Variants in YES1 observed in about 807,000 individuals in gnomAD.
YES1 encodes YES proto-oncogene 1, Src family tyrosine kinase.
A neutral mutation model predicts 70.4 loss-of-function variants in YES1; 39 were observed. The observed-to-expected ratio is 0.55, with a 90% CI of 0.43 to 0.72. The LOEUF is 0.72. YES1 is among the 30% of genes least tolerant of loss of function. The probability of loss-of-function intolerance (pLI) is 0.00; values close to 1 mark genes in which losing one functional copy is unlikely to be tolerated. For synonymous variants in YES1, 198 were observed against 218.6 expected, an observed-to-expected ratio of 0.91 and a Z score of 0.83; for missense variants, 495 against 644.8, an observed-to-expected ratio of 0.77 and a Z score of 2.52.
At chr18:779,519 A>G (rs1031129476) in intron 1 of YES1, among the ~76,000 whole-genome samples, 2 of 152,222 alleles carry the variant, frequency 1.3e-5, no homozygotes, top group African/African-American at 4.8e-5. Flanking sequence ...AATGTATTAA[A>G]TTCAACACAG....
chr18:733,782 C>CAAAAAAAAAAAAAAA (rs71174280), intron 10 of YES1, among the ~76,000 whole-genome samples: 5 of 59,248 alleles, frequency 8.4e-5, no homozygotes, highest in African/African-American at 3.0e-4. Flanking sequence ...GACTCCGTCT[C>CAAAAAAAAAAAAAAA]AAAAAAAAAA....
intron 1 of YES1, among the ~76,000 whole-genome samples, chr18:809,244 A>T (rs73372150): frequency 2.3e-4 from 35 of 152,336 alleles, no homozygotes; most frequent in African/African-American, 8.4e-4. Flanking sequence ...AAAACGAACT[A>T]GAACTTTATT....
rs1432520364 is a variant in YES1, at chr18:724,233, TTCA to T, written c.*188_*190del. ...TTGGACCCTGAAATACGCTGATAAA[TTCA>T]TCATTGGTACATTAGAGTTTAATAC... On this transcript the variant is annotated 3_prime_UTR_variant, in exon 12 of 12. Transcript: ENST00000314574. 1 of 585,664 alleles carries T rather than the reference TTCA, an allele frequency of 1.7e-6. No individual in the cohort carries two copies. The highest frequency in any genetic ancestry group is 3.0e-6 in the Non-Finnish European group (1 of 332,946). The allele number at this position is 585,664 out of a possible 1,614,324, so 36.3% of individuals were successfully genotyped here.
At chr18:770,286 A>G (rs1905094332) in intron 1 of YES1, among the ~76,000 whole-genome samples, 1 of 141,266 alleles carries the variant, frequency 7.1e-6, no homozygotes, top group Non-Finnish European at 1.5e-5. Context: ...TTTTTTTTTT[A>G]AGAGTTTTTA....
In YES1 at chr18:803,723, G is replaced by A. The variant is rs184509760; in HGVS notation, c.-9+8391C>T. ...AGTGAGGAGCTGGTAAGGTGGGAAA[G>A]GAGGGTGACTGGCAAGGCTACAGGT... On this transcript the variant is annotated intron_variant, in intron 1 of 11. Transcript: ENST00000314574. Among the ~76,000 whole-genome samples the A allele has an allele frequency of 1.5e-3, 231 of 152,304 alleles. 1 individual carries two copies. The highest frequency in any genetic ancestry group is 6.6e-3 in the South Asian group (32 of 4,822).
At chr18:743,221 G>A in intron 7 of YES1, 39 bp downstream of exon 7, 2 of 1,597,686 alleles carry the variant, frequency 1.3e-6, no homozygotes, top group East Asian at 2.2e-5. Context: ...TTAATCCACA[G>A]CTAAACAATG....
At chr18:749,636 AC>A (rs2080320468) in intron 3 of YES1, among the ~76,000 whole-genome samples, 1 of 152,148 alleles carries the variant, frequency 6.6e-6, no homozygotes, top group African/African-American at 2.4e-5. Flanking sequence ...CAGGCGGATC[AC>A]AAGGTCAGGA....
chr18:779,791 A>G (rs1905562008), intron 1 of YES1, among the ~76,000 whole-genome samples: 1 of 152,216 alleles, frequency 6.6e-6, no homozygotes, highest in Admixed American at 6.5e-5. Context: ...ATTAGATACC[A>G]CTTTCAAGCC....
intron 1 of YES1, among the ~76,000 whole-genome samples, chr18:782,489 C>T (rs1269398733): frequency 6.6e-6 from 1 of 152,098 alleles, no homozygotes; most frequent in Non-Finnish European, 1.5e-5. Flanking sequence ...AATCAAAATA[C>T]TTAGGGCTCA....
chr18:751,006 C>T (rs1212676708), intron 3 of YES1, among the ~76,000 whole-genome samples: 1 of 151,970 alleles, frequency 6.6e-6, no homozygotes, highest in East Asian at 1.9e-4. Flanking sequence ...TTGTCGTTTT[C>T]CTTTTATCTT....
intron 1 of YES1, among the ~76,000 whole-genome samples, chr18:796,408 C>T (rs1441859339): frequency 6.6e-6 from 1 of 152,146 alleles, no homozygotes; most frequent in Non-Finnish European, 1.5e-5. Flanking sequence ...AGTCAATTAT[C>T]AATACACATT....
rs1295538046 is a variant in YES1 at position 723,149 on chromosome 18, T to C, written c.*1275A>G. 1 of 152,184 alleles carries C rather than the reference T, an allele frequency of 6.6e-6. No homozygotes were observed. The highest frequency in any genetic ancestry group is 1.5e-5 in the Non-Finnish European group (1 of 68,032). 9.4% of individuals were successfully genotyped at this position (152,184 alleles called of 1,614,324 possible). On this transcript the variant is annotated 3_prime_UTR_variant, in exon 12 of 12. Transcript: ENST00000314574. ...TCAAACATGATTTGAAAACTGGAGT[T>C]CTAAAAATGTTTTACATAAAAACCA...
At chr18:750,354 G>A (rs1342528834) in intron 3 of YES1, among the ~76,000 whole-genome samples, 1 of 152,176 alleles carries the variant, frequency 6.6e-6, no homozygotes, top group Non-Finnish European at 1.5e-5. Context: ...GACAGTCCTT[G>A]ACTTCAAGGA....
chr18:804,196 G>A (rs1374613220), intron 1 of YES1, among the ~76,000 whole-genome samples: 2 of 152,156 alleles, frequency 1.3e-5, no homozygotes, highest in Non-Finnish European at 2.9e-5. Context: ...GATGATAGTG[G>A]CTATTTTTCT....
intron 11 of YES1, among the ~76,000 whole-genome samples, chr18:725,118 C>T (rs934690641): frequency 3.9e-5 from 6 of 152,268 alleles, no homozygotes; most frequent in Admixed American, 2.0e-4. Flanking sequence ...TCTAATATTA[C>T]CTGTTTGACT....
chr18:748,107 A>G, intron 3 of YES1, 89 bp from the exon 4 acceptor site: 1 of 1,015,640 alleles, frequency 9.8e-7, no homozygotes, highest in Non-Finnish European at 1.5e-6. Flanking sequence ...TGAAGTAAAC[A>G]AAGGGTATTA....
intron 10 of YES1, chr18:736,595 G>A: frequency 2.0e-6 from 1 of 502,846 alleles, no homozygotes; most frequent in Non-Finnish European, 3.4e-6. Context: ...CTTGCTCTAT[G>A]TATAATGCAA....
At chr18:732,435 TA>T (rs11460599) in intron 11 of YES1, among the ~76,000 whole-genome samples, 1,678 of 90,510 alleles carry the variant, frequency 0.019, 10 homozygotes, top group Non-Finnish European at 0.023. Flanking sequence ...AGACTGTGTT[TA>T]AAAAAAAAAA....
chr18:740,604 A>G (rs536407216), intron 8 of YES1, among the ~76,000 whole-genome samples: 1 of 152,334 alleles, frequency 6.6e-6, no homozygotes, highest in South Asian at 2.1e-4. Flanking sequence ...AGAGCAGAAC[A>G]GTGGGTTTAT....
Sources: gnomAD v4.1 joint callset for allele counts (sites outside exome capture counted in the v4.1 genomes callset) on GRCh38, gnomAD v4.1.1 for gene constraint, MANE v1.5 for transcripts, NCBI Gene and HGNC (gene_info 2026-07-23, HGNC 2026-07-21) for gene names.